Variants in DIAPH3 observed in about 807,000 individuals in gnomAD.
DIAPH3 encodes protein diaphanous homolog 3.
DIAPH3 carries 117 observed loss-of-function variants against 144.3 expected under a neutral mutation model. That is an observed-to-expected ratio of 0.81 (90% CI 0.70 to 0.95). DIAPH3 has a LOEUF of 0.95. Among genes scored for constraint, DIAPH3 ranks in the 40% least tolerant of loss-of-function variants. The pLI is 0.00. For missense variants in DIAPH3, 1,421 were observed against 1,412.7 expected, an observed-to-expected ratio of 1.01 and a Z score of -0.09; for synonymous variants, 519 against 488.9, an observed-to-expected ratio of 1.06 and a Z score of -0.81.
chr13:59,685,056 A>C (rs1223594461), intron 27 of DIAPH3, among the ~76,000 whole-genome samples: 1 of 152,138 alleles, frequency 6.6e-6, no homozygotes, highest in Non-Finnish European at 1.5e-5. Flanking sequence ...ACAGCAATAC[A>C]CTTAATATGA....
chr13:59,776,801 T>C (rs2038438564), intron 25 of DIAPH3, among the ~76,000 whole-genome samples: 1 of 152,086 alleles, frequency 6.6e-6, no homozygotes, highest in Non-Finnish European at 1.5e-5. Context: ...GGAGCAGATG[T>C]GTAAATGTGC....
chr13:59,850,754 G>T (rs371639032), intron 22 of DIAPH3, among the ~76,000 whole-genome samples: 1,659 of 151,144 alleles, frequency 0.011, 17 homozygotes, highest in Non-Finnish European at 0.017. Context: ...ACACCTCTAC[G>T]CAAATAAACT....
At chr13:59,892,185 T>A (rs1593859456) in intron 20 of DIAPH3, among the ~76,000 whole-genome samples, 1 of 151,664 alleles carries the variant, frequency 6.6e-6, no homozygotes, top group Admixed American at 6.6e-5. Flanking sequence ...GTAACATAGA[T>A]AGAGAATGAT....
At chr13:60,037,639 T>C (rs992299146) in intron 5 of DIAPH3, among the ~76,000 whole-genome samples, 1 of 151,628 alleles carries the variant, frequency 6.6e-6, no homozygotes, top group African/African-American at 2.4e-5. Context: ...AGGATGAATA[T>C]AGAAAAGGAA....
At chr13:59,750,613 A>T (rs910593240) in intron 27 of DIAPH3, among the ~76,000 whole-genome samples, 2 of 152,132 alleles carry the variant, frequency 1.3e-5, no homozygotes, top group African/African-American at 4.8e-5. Flanking sequence ...AAAATAAGAG[A>T]TTATAAGGAG....
chr13:59,861,241 T>A (rs1250504519), intron 22 of DIAPH3, 166 bp downstream of exon 22: 1 of 1,514,136 alleles, frequency 6.6e-7, no homozygotes, highest in Admixed American at 2.2e-5. Context: ...ATAGCTCCAA[T>A]CATGACAACT....
At chr13:59,920,962 G>A (rs1033053388) in intron 18 of DIAPH3, among the ~76,000 whole-genome samples, 2 of 151,560 alleles carry the variant, frequency 1.3e-5, no homozygotes, top group Non-Finnish European at 3.0e-5. Flanking sequence ...TCAAATGCAT[G>A]AAAACTAAAC....
At chr13:59,750,940 G>A (rs985659240) in intron 27 of DIAPH3, among the ~76,000 whole-genome samples, 2 of 152,192 alleles carry the variant, frequency 1.3e-5, no homozygotes, top group African/African-American at 2.4e-5. Context: ...CAGTTGTCAG[G>A]GTCTGAGTCA....
intron 20 of DIAPH3, among the ~76,000 whole-genome samples, chr13:59,889,533 CT>C (rs1479471570): frequency 6.6e-6 from 1 of 151,890 alleles, no homozygotes; most frequent in East Asian, 1.9e-4. Context: ...AGATCATTTG[CT>C]TTAGTTCTTT....
At chr13:59,883,954 T>C (rs2045261929) in intron 20 of DIAPH3, among the ~76,000 whole-genome samples, 1 of 152,210 alleles carries the variant, frequency 6.6e-6, no homozygotes, top group African/African-American at 2.4e-5. Context: ...TTTTCAGATC[T>C]ACTTTTGTTG....
intron 5 of DIAPH3, among the ~76,000 whole-genome samples, chr13:60,036,686 G>A (rs113948414): frequency 1.5e-3 from 227 of 152,006 alleles, no homozygotes; most frequent in African/African-American, 5.3e-3. Flanking sequence ...TGAATATATC[G>A]TTAATTATCA....
intron 27 of DIAPH3, among the ~76,000 whole-genome samples, chr13:59,701,422 T>G (rs115049954): frequency 1.2e-3 from 176 of 152,314 alleles, no homozygotes; most frequent in African/African-American, 4.1e-3. Context: ...ATCACATTGC[T>G]GCAAAAATGC....
intron 21 of DIAPH3, among the ~76,000 whole-genome samples, chr13:59,870,583 G>C (rs550579437): frequency 1.3e-5 from 2 of 151,632 alleles, no homozygotes; most frequent in Non-Finnish European, 2.9e-5. Flanking sequence ...CACCTTAATA[G>C]TACTGAGACA....
chr13:59,799,418 C>T (rs1422702022), intron 25 of DIAPH3, among the ~76,000 whole-genome samples: 6 of 141,804 alleles, frequency 4.2e-5, no homozygotes, highest in Admixed American at 7.0e-5. Context: ...CACACACACA[C>T]ACAGAAGGAG....
At position 59,774,685 on chromosome 13, in the gene DIAPH3, G is replaced by A. The variant is rs755540715; in HGVS notation, c.3259+43C>T. 7 of 1,546,518 alleles carry A rather than the reference G, an allele frequency of 4.5e-6. No individual in the cohort carries two copies. The African/African-American group carries it at 9.5e-5, about 21-fold the overall frequency. ...GAGAAAAACAGGATTCTTTCTCTGT[G>A]ATAGCTCCCTAGAAAGTAACATGAA... is the stretch of plus-strand genomic sequence containing the variant. On this transcript the variant is annotated intron_variant, in intron 26 of 27. Coordinates refer to ENST00000400324, the MANE Select transcript of DIAPH3 (RefSeq NM_001042517.2).
At chr13:59,803,669 G>A (rs2040052653) in intron 25 of DIAPH3, among the ~76,000 whole-genome samples, 1 of 152,198 alleles carries the variant, frequency 6.6e-6, no homozygotes, top group South Asian at 2.1e-4. Flanking sequence ...CTTGTTGGAA[G>A]GGGACAAAGG....
intron 27 of DIAPH3, among the ~76,000 whole-genome samples, chr13:59,728,772 G>T (rs2035729944): frequency 6.6e-6 from 1 of 152,020 alleles, no homozygotes; most frequent in Non-Finnish European, 1.5e-5. Context: ...GGAAAGTATT[G>T]ATATTTAATG....
intron 27 of DIAPH3, among the ~76,000 whole-genome samples, chr13:59,744,530 T>TC (rs1005531801): frequency 3.3e-5 from 5 of 152,084 alleles, no homozygotes; most frequent in African/African-American, 9.6e-5. Flanking sequence ...TAATTTTTTT[T>TC]TTAGCTCATC....
At chr13:59,912,997 T>C (rs975729417) in intron 19 of DIAPH3, among the ~76,000 whole-genome samples, 14 of 152,258 alleles carry the variant, frequency 9.2e-5, no homozygotes, top group African/African-American at 3.1e-4. Context: ...TCAAATTGAA[T>C]AAAAATAAAA....
Sources: allele counts gnomAD v4.1 joint callset (sites outside exome capture counted in the v4.1 genomes callset), GRCh38; gene constraint gnomAD v4.1.1; transcripts MANE v1.5; gene names NCBI Gene and HGNC (gene_info 2026-07-23, HGNC 2026-07-21).